Variants in CSMD1 observed in about 807,000 individuals in gnomAD.
CSMD1 encodes CUB and sushi domain-containing protein 1.
A neutral mutation model predicts 417.5 loss-of-function variants in CSMD1; 213 were observed. That is an observed-to-expected ratio of 0.51 (90% CI 0.46 to 0.57). CSMD1 has a LOEUF of 0.57. CSMD1 is among the 20% of genes least tolerant of loss of function. The pLI is 0.00. For synonymous variants in CSMD1, 2,862 were observed against 1,736.8 expected (o/e 1.65, Z -16.11); for missense variants, 6,923 against 4,529.7 (o/e 1.53, Z -15.17).
At chr8:3,647,764 G>C (rs781078413) in intron 7 of CSMD1, among the ~76,000 whole-genome samples, 3 of 152,194 alleles carry the variant, frequency 2.0e-5, no homozygotes, top group Non-Finnish European at 4.4e-5. Flanking sequence ...GTGAGACAGA[G>C]AGAAAGAGTG....
intron 2 of CSMD1, among the ~76,000 whole-genome samples, chr8:4,543,594 G>C (rs1377569864): frequency 7.8e-6 from 1 of 128,636 alleles, no homozygotes; most frequent in Non-Finnish European, 1.6e-5. Flanking sequence ...ACAGGTTTTT[G>C]TATGAACATA....
intron 2 of CSMD1, among the ~76,000 whole-genome samples, chr8:4,433,556 G>A (rs909777498): frequency 1.3e-5 from 2 of 152,162 alleles, no homozygotes; most frequent in Non-Finnish European, 2.9e-5. Context: ...TGTGGAAGCA[G>A]ACATGTGCTG....
At chr8:4,574,349 C>A (rs963135422) in intron 2 of CSMD1, among the ~76,000 whole-genome samples, 3 of 152,188 alleles carry the variant, frequency 2.0e-5, no homozygotes, top group Non-Finnish European at 2.9e-5. Context: ...ACGGCGTAGT[C>A]CTTCACGGCT....
intron 5 of CSMD1, among the ~76,000 whole-genome samples, chr8:3,839,855 T>C (rs996069408): frequency 2.0e-5 from 3 of 151,796 alleles, no homozygotes; most frequent in Non-Finnish European, 4.4e-5. Context: ...TGGCCTCTTC[T>C]ACGGGCGGCA....
intron 2 of CSMD1, among the ~76,000 whole-genome samples, chr8:4,526,723 T>A (rs1796530559): frequency 1.3e-5 from 2 of 152,210 alleles, no homozygotes; most frequent in South Asian, 4.1e-4. Flanking sequence ...TGCTTAAATT[T>A]GCTTTCATAT....
intron 5 of CSMD1, among the ~76,000 whole-genome samples, chr8:3,804,168 G>C (rs764631664): frequency 2.0e-5 from 3 of 152,052 alleles, no homozygotes; most frequent in African/African-American, 4.8e-5. Context: ...CCGACCCCAG[G>C]TGATCTGCCC....
chr8:3,337,042 G>C (rs961707531), intron 23 of CSMD1, among the ~76,000 whole-genome samples: 1 of 152,106 alleles, frequency 6.6e-6, no homozygotes, highest in East Asian at 1.9e-4. Flanking sequence ...TTTCTGGGGA[G>C]GCTGGAGCTG....
rs1563390140 is a variant in CSMD1 at position 3,439,153 on chromosome 8, C to CA, written c.1562-29549_1562-29548insT. ...AAAAAAAAAAAAAAAAAAAAAAAAA[C>CA]CAAGAAAAAAAAAAGAAAAAGAAAA... On this transcript the variant is annotated intron_variant, in intron 12 of 69. Transcript: ENST00000635120. Among the ~76,000 whole-genome samples the CA allele has an allele frequency of 5.0e-5, 2 of 39,892 alleles. 1 individual carries two copies. Among genetic ancestry groups the CA allele is most frequent in the Non-Finnish European group, 8.5e-5 (2 of 23,546 alleles). 26.2% of individuals were successfully genotyped at this position (39,892 alleles called of 152,430 possible).
Position 3,248,105 on chromosome 8 carries a change from A to C in CSMD1, c.4154-17874T>G, listed in dbSNP as rs563714954. ...TGCTTTGGGAGCCCGAGGCAGGAGG[A>C]TGACTTGAGGCCAGGAGTTTGAGAC... On this transcript the variant is annotated intron_variant, in intron 26 of 69. Coordinates refer to ENST00000635120, the MANE Select transcript of CSMD1 (RefSeq NM_033225.6). Among the ~76,000 whole-genome samples the C allele has an allele frequency of 2.0e-5, 3 of 152,288 alleles. 1 individual carries two copies. The South Asian group carries it at 6.2e-4, about 32-fold the overall frequency.
In CSMD1 at chr8:3,237,883, A is replaced by G. The variant is rs1219462894; in HGVS notation, c.4154-7652T>C. ...ATATAATTTTTATAATTATACTATAAATATAATTTTTATAATTATACTTAT... is the reference window on the plus strand; with the variant it reads ...ATATAATTTTTATAATTATACTATAGATATAATTTTTATAATTATACTTAT... On this transcript the variant is annotated intron_variant, in intron 26 of 69. Transcript: ENST00000635120. 1.5e-5 allele frequency among the ~76,000 whole-genome samples: 2 copies of G among 137,916 alleles called. 1 individual carries two copies. Among genetic ancestry groups the G allele is most frequent in the Admixed American group, 1.5e-4 (2 of 13,166 alleles). The allele number at this position is 137,916 out of a possible 152,430, so 90.5% of individuals were successfully genotyped here.
intron 2 of CSMD1, among the ~76,000 whole-genome samples, chr8:4,531,257 A>G (rs1250471534): frequency 2.0e-5 from 3 of 152,158 alleles, no homozygotes; most frequent in Non-Finnish European, 4.4e-5. Flanking sequence ...TACAGGCCAT[A>G]TGACAATCCA....
intron 2 of CSMD1, among the ~76,000 whole-genome samples, chr8:4,472,351 T>C (rs1276805230): frequency 6.6e-6 from 1 of 152,152 alleles, no homozygotes; most frequent in Non-Finnish European, 1.5e-5. Flanking sequence ...ATGTACCTGG[T>C]TTATTTCATC....
intron 1 of CSMD1, among the ~76,000 whole-genome samples, chr8:4,766,049 T>A (rs1369194858): frequency 6.6e-6 from 1 of 152,178 alleles, no homozygotes; most frequent in Non-Finnish European, 1.5e-5. Flanking sequence ...GTTTGGAAAC[T>A]ATGTGGAAAT....
At chr8:4,259,955 T>C (rs1803752254) in intron 3 of CSMD1, among the ~76,000 whole-genome samples, 3 of 152,182 alleles carry the variant, frequency 2.0e-5, no homozygotes, top group Admixed American at 2.0e-4. Context: ...ACAAATGTAA[T>C]TGTTTCTAGT....
chr8:3,484,852 A>T (rs560031227), intron 11 of CSMD1, among the ~76,000 whole-genome samples: 1 of 152,208 alleles, frequency 6.6e-6, no homozygotes, highest in Non-Finnish European at 1.5e-5. Flanking sequence ...CATCAGGAAA[A>T]TGCAAATTTA....
At chr8:3,019,765 C>T (rs749646188) in intron 51 of CSMD1, among the ~76,000 whole-genome samples, 56 of 152,218 alleles carry the variant, frequency 3.7e-4, no homozygotes, top group Non-Finnish European at 6.0e-4. Flanking sequence ...ATTATATATT[C>T]TTACTACACC....
chr8:2,939,528 CTCTG>C (rs1267401988), intron 69 of CSMD1, among the ~76,000 whole-genome samples: 2 of 152,294 alleles, frequency 1.3e-5, no homozygotes, highest in African/African-American at 4.8e-5. Flanking sequence ...GTCTGGTCTG[CTCTG>C]TCTCTGTTTA....
chr8:3,176,529 C>A (rs913865830), intron 37 of CSMD1, among the ~76,000 whole-genome samples: 46 of 152,122 alleles, frequency 3.0e-4, no homozygotes, highest in African/African-American at 1.0e-3. Flanking sequence ...CCCTTAAAAT[C>A]TCTAGAGTAA....
intron 7 of CSMD1, among the ~76,000 whole-genome samples, chr8:3,687,036 A>G (rs1467226532): frequency 1.3e-5 from 2 of 152,192 alleles, no homozygotes; most frequent in Non-Finnish European, 2.9e-5. Flanking sequence ...TGGATGGCAG[A>G]TGTAAAAAAA....
Sources: allele counts gnomAD v4.1 joint callset (sites outside exome capture counted in the v4.1 genomes callset), GRCh38; gene constraint gnomAD v4.1.1; transcripts MANE v1.5; gene names NCBI Gene and HGNC (gene_info 2026-07-23, HGNC 2026-07-21).